The following CWH43 variants were observed in gnomAD, a reference collection of about 807,000 sequenced individuals.
The protein encoded by CWH43 is PGAP2-interacting protein.
Under a neutral mutation model 85.7 loss-of-function variants are expected in CWH43, and 91 were observed. That is an observed-to-expected ratio of 1.06 (90% CI 0.90 to 1.26). The LOEUF is 1.26. Among genes scored for constraint, CWH43 ranks in the 50% most tolerant of loss-of-function variants. The probability of loss-of-function intolerance (pLI) is 0.00; values close to 1 mark genes in which losing one functional copy is unlikely to be tolerated. For missense variants in CWH43, 869 were observed against 839.2 expected (o/e 1.04, Z -0.44); for synonymous variants, 323 against 293.6 (o/e 1.10, Z -1.02).
intron 14 of CWH43, among the ~76,000 whole-genome samples, chr4:49,047,703 G>C (rs781263362): frequency 1.7e-4 from 26 of 152,040 alleles, no homozygotes; most frequent in Non-Finnish European, 3.4e-4. Flanking sequence ...AGGGGCGGCC[G>C]AGGAGGGAAG....
At chr4:48,996,015 T>C (rs1297599944) in intron 5 of CWH43, among the ~76,000 whole-genome samples, 1 of 151,548 alleles carries the variant, frequency 6.6e-6, no homozygotes, top group Non-Finnish European at 1.5e-5. Flanking sequence ...AGGCAGGATC[T>C]GGCCCCCCTA....
chr4:49,033,092 C>T lies in CWH43; in HGVS notation c.1658+377C>T, dbSNP rs536357624. The stretch of plus-strand genomic sequence containing the variant: ...CAACCCATCCAACCAGGAGCAAGCA[C>T]ACAGCCAGGGCATAGGCAGTCCCAA... On this transcript the variant is annotated intron_variant, in intron 12 of 15. Transcript: ENST00000226432. Among the ~76,000 whole-genome samples, 20 of 152,298 alleles carry T rather than the reference C, an allele frequency of 1.3e-4. No individual in the cohort carries two copies. In the South Asian group the frequency reaches 3.9e-3, roughly 30 times the overall value.
At chr4:49,023,784 G>C (rs1023421513) in intron 9 of CWH43, among the ~76,000 whole-genome samples, 5 of 152,214 alleles carry the variant, frequency 3.3e-5, no homozygotes, top group African/African-American at 1.2e-4. Flanking sequence ...GTCTATCTTG[G>C]AGAATGGTGC....
chr4:49,037,357 G>T (rs1784291603), intron 12 of CWH43, among the ~76,000 whole-genome samples: 1 of 152,152 alleles, frequency 6.6e-6, no homozygotes. Flanking sequence ...ATTGCTTGAG[G>T]CCAGGAATTC....
chr4:49,013,653 C>G (rs1165732677), intron 8 of CWH43, among the ~76,000 whole-genome samples: 1 of 152,022 alleles, frequency 6.6e-6, no homozygotes, highest in Non-Finnish European at 1.5e-5. Flanking sequence ...TACTTTAAAG[C>G]AAATCTCTGA....
At chr4:49,024,194 G>C (rs1783833780) in intron 9 of CWH43, among the ~76,000 whole-genome samples, 1 of 152,128 alleles carries the variant, frequency 6.6e-6, no homozygotes, top group Admixed American at 6.5e-5. Flanking sequence ...CATTTGCATG[G>C]AATATCTTTT....
At chr4:49,007,377 A>C in intron 8 of CWH43, 51 bp downstream of exon 8, 1 of 1,457,098 alleles carries the variant, frequency 6.9e-7, no homozygotes, top group Non-Finnish European at 9.1e-7. Flanking sequence ...AAAATTCTAA[A>C]CGTATGAAAT....
chr4:49,019,666 GC>G (rs1390130069), intron 9 of CWH43, among the ~76,000 whole-genome samples: 2 of 151,732 alleles, frequency 1.3e-5, no homozygotes, highest in Non-Finnish European at 2.9e-5. Flanking sequence ...TGCAACCTCT[GC>G]CTTCTGGGTT....
At chr4:49,016,186 C>T (rs1436303315) in intron 8 of CWH43, among the ~76,000 whole-genome samples, 1 of 152,212 alleles carries the variant, frequency 6.6e-6, no homozygotes, top group Admixed American at 6.5e-5. Flanking sequence ...CGAAGAACTA[C>T]ACATTTCCCC....
At chr4:49,061,765 T>C (rs1351296396) in intron 15 of CWH43, 47 bp from the exon 16 acceptor site, 2 of 1,254,830 alleles carry the variant, frequency 1.6e-6, no homozygotes, top group Non-Finnish European at 2.1e-6. Context: ...CCTTTCTGAA[T>C]GGTTTTTACA....
At chr4:49,029,753 A>C (rs1019460615) in intron 10 of CWH43, among the ~76,000 whole-genome samples, 3 of 152,236 alleles carry the variant, frequency 2.0e-5, no homozygotes, top group African/African-American at 7.2e-5. Context: ...GTTTGGGTGG[A>C]GAGAAGCATA....
At chr4:49,016,999 G>T (rs1407195160) in intron 8 of CWH43, 2 of 776,380 alleles carry the variant, frequency 2.6e-6, no homozygotes, top group Middle Eastern at 3.3e-4. Flanking sequence ...TCTAGCTTCT[G>T]CTGGGTGAAG....
chr4:48,993,251 G>T (rs1366534825), intron 4 of CWH43, among the ~76,000 whole-genome samples: 1 of 152,142 alleles, frequency 6.6e-6, no homozygotes, highest in Non-Finnish European at 1.5e-5. Flanking sequence ...GGTCCTGGGT[G>T]GGGGTGGAGT....
chr4:49,012,462 GCTTA>G (rs1285099943), intron 8 of CWH43, among the ~76,000 whole-genome samples: 5 of 152,182 alleles, frequency 3.3e-5, no homozygotes, highest in Non-Finnish European at 7.3e-5. Context: ...ACCTTCTGAA[GCTTA>G]CTTCTGTCAA....
intron 12 of CWH43, among the ~76,000 whole-genome samples, chr4:49,034,804 G>T (rs770219548): frequency 5.3e-5 from 8 of 152,102 alleles, no homozygotes; most frequent in Non-Finnish European, 7.4e-5. Flanking sequence ...CAGTGCAATA[G>T]TCCTACCTAT....
At position 49,054,161 on chromosome 4, in the gene CWH43, T is replaced by A. The variant is rs532490287; in HGVS notation, c.2021+3312T>A. ...CAGTTTCAAGCCCAAAAATCTTTAATCTATTTTGAGTTGATTTTTGTATAT... is the reference window on the plus strand; with the variant it reads ...CAGTTTCAAGCCCAAAAATCTTTAAACTATTTTGAGTTGATTTTTGTATAT... On this transcript the variant is annotated intron_variant, in intron 15 of 15. Transcript: ENST00000226432. 1.3e-4 allele frequency among the ~76,000 whole-genome samples: 20 copies of A among 152,304 alleles called. No individual in the cohort carries two copies. The South Asian group carries it at 4.1e-3, about 32-fold the overall frequency.
chr4:49,055,913 CTTTTTTT>C (rs71191286), intron 15 of CWH43, among the ~76,000 whole-genome samples: 5 of 141,994 alleles, frequency 3.5e-5, no homozygotes, highest in African/African-American at 1.3e-4. Context: ...TTCTTTTTTT[CTTTTTTT>C]TTTTTTTATT....
chr4:49,025,826 T>C (rs887757216), intron 9 of CWH43, among the ~76,000 whole-genome samples: 1 of 152,178 alleles, frequency 6.6e-6, no homozygotes, highest in Non-Finnish European at 1.5e-5. Context: ...TTTGTTGGCC[T>C]CCAGCCAGGG....
At chr4:49,045,848 T>A (rs1162225776) in intron 14 of CWH43, among the ~76,000 whole-genome samples, 1 of 152,180 alleles carries the variant, frequency 6.6e-6, no homozygotes, top group Non-Finnish European at 1.5e-5. Context: ...ATCAATTACC[T>A]TAAACATTTA....
Sources: gnomAD v4.1 joint callset for allele counts (sites outside exome capture counted in the v4.1 genomes callset) on GRCh38, gnomAD v4.1.1 for gene constraint, MANE v1.5 for transcripts, NCBI Gene and HGNC (gene_info 2026-07-23, HGNC 2026-07-21) for gene names.